The following VWF variants were observed in gnomAD, a reference collection of about 807,000 sequenced individuals.
The protein encoded by VWF is Factor VIII related antigen.
VWF carries 176 observed loss-of-function variants against 308.6 expected under a neutral mutation model. The observed-to-expected ratio is 0.57, with a 90% CI of 0.50 to 0.65. The LOEUF (loss-of-function observed/expected upper bound fraction) is 0.65. Among genes scored for constraint, VWF ranks in the 30% least tolerant of loss-of-function variants. The pLI is 0.00. For missense variants in VWF, 3,146 were observed against 3,648.2 expected (o/e 0.86, Z 3.55); for synonymous variants, 1,385 against 1,443.4 (o/e 0.96, Z 0.92).
At chr12:5,967,989 C>T in intron 46 of VWF, 138 bp downstream of exon 46, 2 of 1,244,438 alleles carry the variant, frequency 1.6e-6, no homozygotes, top group South Asian at 1.4e-5. Flanking sequence ...AGGCACGTCC[C>T]ACAGGCAGTG....
In VWF at chr12:5,983,740, TAGAC is replaced by T. The variant is rs199841133; in HGVS notation, c.6977-490_6977-487del. ...AAATAGATACACAGGTTAGATAGAT[TAGAC>T]AGACAGATAGATACATACATAGATA... On this transcript the variant is annotated intron_variant, in intron 40 of 51. Coordinates refer to ENST00000261405, the MANE Select transcript of VWF (RefSeq NM_000552.5). Among the ~76,000 whole-genome samples, 897 of 150,820 alleles carry T rather than the reference TAGAC, an allele frequency of 5.9e-3. 11 individuals are homozygous for T. The highest frequency in any genetic ancestry group is 0.02 in the African/African-American group (831 of 41,070).
intron 43 of VWF, among the ~76,000 whole-genome samples, chr12:5,975,521 C>T (rs1166732456): frequency 1.3e-5 from 2 of 152,164 alleles, no homozygotes; most frequent in African/African-American, 4.8e-5. Context: ...ATTTGGGAAA[C>T]AGGGATCATG....
intron 22 of VWF, 123 bp downstream of exon 22, chr12:6,029,219 T>C (rs12307335): frequency 0.091 from 112,520 of 1,242,076 alleles, 5,679 homozygotes; most frequent in African/African-American, 0.15. Flanking sequence ...ATCCTAAATA[T>C]ATATGCACCC....
At position 6,110,950 on chromosome 12, in the gene VWF, T is replaced by C; in HGVS notation, c.239A>G (p.Lys80Arg). The C allele has an allele frequency of 1.2e-6, 2 of 1,614,184 alleles. No individual in the cohort carries two copies. The highest frequency in any genetic ancestry group is 1.7e-6 in the Non-Finnish European group (2 of 1,180,024). The change falls in exon 4 of 52, where the codon AAG becomes AGG. Residue 80 changes from lysine to arginine, a missense_variant. Physicochemically the swap from Lys to Arg is conservative, Grantham distance 26 (BLOSUM62 2). Transcript: ENST00000261405. ...AAGATACACGGAGAGGCTCACTCTCTTGCCATTCTGGAAGTCCCCTGAAAG... is the reference window on the plus strand; with the variant it reads ...AAGATACACGGAGAGGCTCACTCTCCTGCCATTCTGGAAGTCCCCTGAAAG... Reference protein sequence around the residue: ...FSIIGDFQNGKRVSLSVYLGE... With the variant: ...FSIIGDFQNGRRVSLSVYLGE...
rs375759347 is a variant in VWF, at chr12:6,119,191, G to A, written c.220+1983C>T. Reference sequence around the variant, plus strand: ...AAGACCCTACACTGCAGCTTCACCCGATGGTACAGCCTCCCAGCCTACTCT... The same window carrying A: ...AAGACCCTACACTGCAGCTTCACCCAATGGTACAGCCTCCCAGCCTACTCT... On this transcript the variant is annotated intron_variant, in intron 3 of 51. Transcript: ENST00000261405. Among the ~76,000 whole-genome samples, 22 of 152,314 alleles carry A rather than the reference G, an allele frequency of 1.4e-4. 1 individual carries two copies. In the East Asian group the frequency reaches 2.9e-3, roughly 20 times the overall value.
rs556847438 is a variant in VWF at position 5,978,355 on chromosome 12, C to T, written c.7288-2095G>A. Reference sequence around the variant, plus strand: ...TCGGCTCACTGCAACCTCCACCTCCCGGATTCAAGTGATTCTCCTGCTTCA... The same window carrying T: ...TCGGCTCACTGCAACCTCCACCTCCTGGATTCAAGTGATTCTCCTGCTTCA... On this transcript the variant is annotated intron_variant, in intron 42 of 51. Coordinates refer to ENST00000261405, the MANE Select transcript of VWF (RefSeq NM_000552.5). Among the ~76,000 whole-genome samples, 43 of 152,198 alleles carry T rather than the reference C, an allele frequency of 2.8e-4. 1 individual carries two copies. The highest frequency in any genetic ancestry group is 6.8e-3 in the Middle Eastern group (2 of 292).
chr12:5,999,749 C>T (rs1943850708), intron 34 of VWF, among the ~76,000 whole-genome samples: 1 of 151,920 alleles, frequency 6.6e-6, no homozygotes, highest in Non-Finnish European at 1.5e-5. Context: ...TAAATATACT[C>T]AAACATCTGC....
intron 10 of VWF, among the ~76,000 whole-genome samples, 168 bp from the exon 11 acceptor site, chr12:6,065,441 T>C (rs1944703103): frequency 6.6e-6 from 1 of 152,152 alleles, no homozygotes; most frequent in South Asian, 2.1e-4. Context: ...CGGTTCCTGC[T>C]CCTAAAACTG....
intron 19 of VWF, 26 bp downstream of exon 19, chr12:6,036,362 C>T (rs747234177): frequency 4.4e-6 from 7 of 1,607,872 alleles, no homozygotes; most frequent in Non-Finnish European, 5.1e-6. Flanking sequence ...CCTGGGTCCC[C>T]GGCGCAGCCC....
At chr12:6,103,194 G>C (rs1390765229) in intron 5 of VWF, among the ~76,000 whole-genome samples, 4 of 151,856 alleles carry the variant, frequency 2.6e-5, no homozygotes, top group African/African-American at 9.7e-5. Context: ...CGGGTGTGGT[G>C]GTGGGCACCT....
intron 21 of VWF, among the ~76,000 whole-genome samples, chr12:6,030,975 G>A (rs1172015685): frequency 6.6e-6 from 1 of 152,206 alleles, no homozygotes; most frequent in African/African-American, 2.4e-5. Context: ...GTTGCAGTGA[G>A]CAGAGAGATC....
chr12:6,056,644 C>A (rs1944581776), intron 15 of VWF, among the ~76,000 whole-genome samples: 1 of 152,182 alleles, frequency 6.6e-6, no homozygotes, highest in African/African-American at 2.4e-5. Flanking sequence ...CTTCCTGGAA[C>A]AGGCCCGAAT....
chr12:6,019,255 T>C lies in VWF; in HGVS notation c.4163A>G (p.Gln1388Arg), dbSNP rs1944101095. 1.2e-6 allele frequency: 2 copies of C among 1,613,928 alleles called. No homozygotes were observed. The highest frequency in any genetic ancestry group is 1.7e-4 in the Middle Eastern group (1 of 6,054). The change falls in exon 28 of 52, where the codon CAG (glutamine) becomes CGG (arginine). Residue 1388 changes from glutamine to arginine, a missense_variant. This residue lies in a region of VWF where 853 missense variants were observed against 1,177.8 expected (regional missense o/e 0.72). Transcript: ENST00000261405. The surrounding 1 kb of genome is among the most constrained non-coding windows in gnomAD (Gnocchi z 5.8). ...GTTCCGGGACATCCGTTGGGGCTCC[T>C]GGCTGGCCATCAGGAGCAGGGTGAT... ...SRITLLLMAS[Q>R]EPQRMSRNFV... is the part of the protein sequence containing the mutation.
At chr12:6,052,034 C>T (rs997535082) in intron 16 of VWF, among the ~76,000 whole-genome samples, 7 of 152,166 alleles carry the variant, frequency 4.6e-5, no homozygotes, top group African/African-American at 1.7e-4. Context: ...CCTGTTGAAA[C>T]CGACTGTCAC....
At position 6,016,567 on chromosome 12, in the gene VWF, A is replaced by C; in HGVS notation, c.5260T>G (p.Leu1754Val). ...TGCATGACGTCCACAAGGCTCAGCA[A>C]ATGGGCTTTCTCCGGGACCACGTTC... is the stretch of plus-strand genomic sequence containing the variant. Reference protein sequence around the residue: ...PWNVVPEKAHLLSLVDVMQRE... With the variant: ...PWNVVPEKAHVLSLVDVMQRE... Residue 1754 changes from leucine (L) to valine (V), a missense_variant, in exon 30 of 52, where the codon TTG becomes GTG. Leu to Val is a conservative substitution (Grantham distance 32). Coordinates refer to ENST00000261405, the MANE Select transcript of VWF (RefSeq NM_000552.5). 1 of 1,614,174 alleles carries C rather than the reference A, an allele frequency of 6.2e-7. No individual in the cohort carries two copies. The highest frequency in any genetic ancestry group is 8.5e-7 in the Non-Finnish European group (1 of 1,180,028).
chr12:6,122,561 G>C, intron 2 of VWF: 1 of 319,798 alleles, frequency 3.1e-6, no homozygotes. Flanking sequence ...ACTCACCTGT[G>C]GGCAGTAGCT....
rs1242755960 is a variant in VWF at position 5,986,633 on chromosome 12, A to C, written c.6799-968T>G. On this transcript the variant is annotated intron_variant, in intron 38 of 51. Coordinates refer to ENST00000261405, the MANE Select transcript of VWF (RefSeq NM_000552.5). Reference sequence around the variant, plus strand: ...CCCCCAAAGTGCCCTGCCCTCCTTCAGGATTAACCCCTCTGGTCCTGCCCT... The same window carrying C: ...CCCCCAAAGTGCCCTGCCCTCCTTCCGGATTAACCCCTCTGGTCCTGCCCT... Among the ~76,000 whole-genome samples, 5 of 152,128 alleles carry C rather than the reference A, an allele frequency of 3.3e-5. No homozygotes were observed. In the East Asian group the frequency reaches 9.7e-4, roughly 29 times the overall value.
At chr12:5,980,916 C>G (rs1039965465) in intron 42 of VWF, among the ~76,000 whole-genome samples, 3 of 152,222 alleles carry the variant, frequency 2.0e-5, no homozygotes, top group Admixed American at 2.0e-4. Flanking sequence ...TCGCGCCCTT[C>G]ACTTTCCCAC....
intron 5 of VWF, among the ~76,000 whole-genome samples, chr12:6,106,375 T>C (rs985912831): frequency 2.6e-5 from 4 of 152,176 alleles, no homozygotes; most frequent in African/African-American, 9.7e-5. Flanking sequence ...TTATATGAGA[T>C]ACTTAGAGTA....
Sources: allele counts gnomAD v4.1 joint callset (sites outside exome capture counted in the v4.1 genomes callset), GRCh38; gene constraint gnomAD v4.1.1; regional missense constraint gnomAD v4.1.1; non-coding constraint Gnocchi (gnomAD v3.1); transcripts MANE v1.5; gene names NCBI Gene and HGNC (gene_info 2026-07-23, HGNC 2026-07-21).